The following XPR1 variants were observed in gnomAD, a reference collection of about 807,000 sequenced individuals.
XPR1 encodes solute carrier family 53 member 1.
A neutral mutation model predicts 87.5 loss-of-function variants in XPR1; 28 were observed. The observed-to-expected ratio is 0.32, with a 90% CI of 0.24 to 0.44. XPR1 has a LOEUF of 0.44. Among genes scored for constraint, XPR1 ranks in the 20% least tolerant of loss-of-function variants. The pLI, the probability that XPR1 is intolerant of heterozygous loss-of-function variation, is 1.00. For synonymous variants in XPR1, 300 were observed against 306.1 expected, an observed-to-expected ratio of 0.98 and a Z score of 0.21; for missense variants, 559 against 862.3, an observed-to-expected ratio of 0.65 and a Z score of 4.41.
intron 1 of XPR1, among the ~76,000 whole-genome samples, chr1:180,654,345 A>G (rs73049479): frequency 0.017 from 2,558 of 152,228 alleles, 80 homozygotes; most frequent in African/African-American, 0.056. Context: ...GCAACTTTTA[A>G]TAGTTTTTAA....
intron 11 of XPR1, among the ~76,000 whole-genome samples, chr1:180,859,914 A>G (rs958259114): frequency 2.0e-5 from 3 of 152,182 alleles, no homozygotes; most frequent in Non-Finnish European, 4.4e-5. Flanking sequence ...GAAAATGAAA[A>G]GACAAGCCAC....
intron 7 of XPR1, among the ~76,000 whole-genome samples, chr1:180,814,437 G>A (rs567134004): frequency 6.6e-6 from 1 of 152,296 alleles, no homozygotes; most frequent in South Asian, 2.1e-4. Context: ...GTAGTGGAGA[G>A]AACAAAAGGC....
chr1:180,744,743 C>T lies in XPR1; in HGVS notation c.122-43010C>T, dbSNP rs1006767617. ...TCGGCTCACTGCAGCCTCCGCCTCC[C>T]GGGTTCAAGTGTTTCTCCAGCCTTA... On this transcript the variant is annotated intron_variant, in intron 2 of 14. Coordinates refer to ENST00000367590, the MANE Select transcript of XPR1 (RefSeq NM_004736.4). Among the ~76,000 whole-genome samples the T allele has an allele frequency of 1.1e-4, 17 of 150,300 alleles. 1 individual carries two copies. The highest frequency in any genetic ancestry group is 9.9e-4 in the East Asian group (5 of 5,068).
At chr1:180,751,957 G>T (rs185225672) in intron 2 of XPR1, among the ~76,000 whole-genome samples, 27 of 152,202 alleles carry the variant, frequency 1.8e-4, no homozygotes, top group Middle Eastern at 6.8e-3. Context: ...GGGAATAAAC[G>T]TGTCGCCCAT....
intron 13 of XPR1, among the ~76,000 whole-genome samples, chr1:180,877,486 A>G (rs894968655): frequency 2.0e-5 from 3 of 152,196 alleles, no homozygotes; most frequent in Non-Finnish European, 2.9e-5. Context: ...ATGGAAAAAA[A>G]TGGTTCCCAG....
chr1:180,770,355 T>G (rs1557999787), intron 2 of XPR1, among the ~76,000 whole-genome samples: 1 of 152,144 alleles, frequency 6.6e-6, no homozygotes, highest in Non-Finnish European at 1.5e-5. Context: ...TCCTTCCTGA[T>G]TATGTCCTCA....
At chr1:180,738,324 G>C (rs1363095339) in intron 2 of XPR1, among the ~76,000 whole-genome samples, 1 of 152,110 alleles carries the variant, frequency 6.6e-6, no homozygotes, top group African/African-American at 2.4e-5. Context: ...AACTTTACAA[G>C]AAACTGCCAA....
chr1:180,750,669 T>C (rs912205334), intron 2 of XPR1, among the ~76,000 whole-genome samples: 4 of 152,078 alleles, frequency 2.6e-5, no homozygotes, highest in African/African-American at 9.6e-5. Flanking sequence ...AGTCTTGAAA[T>C]CAAACAATAT....
intron 1 of XPR1, among the ~76,000 whole-genome samples, chr1:180,670,653 A>G (rs1422707998): frequency 6.6e-6 from 1 of 152,232 alleles, no homozygotes; most frequent in Non-Finnish European, 1.5e-5. Flanking sequence ...TGTTGTTACA[A>G]TAATACCAGC....
rs777214370 is a variant in XPR1, at chr1:180,888,761, T to A, written c.*4695T>A. 3 of 152,212 alleles carry A rather than the reference T, an allele frequency of 2.0e-5. No individual in the cohort carries two copies. The highest frequency in any genetic ancestry group is 6.5e-5 in the Admixed American group (1 of 15,284). The allele number at this position is 152,212 out of a possible 1,614,324, so 9.4% of individuals were successfully genotyped here. ...AGTCTTGATAGTAAATCCTACAAAC[T>A]CTCAACTTTCTGCATTGTATTTTAA... On this transcript the variant is annotated 3_prime_UTR_variant, in exon 15 of 15. Transcript: ENST00000367590.
intron 1 of XPR1, among the ~76,000 whole-genome samples, chr1:180,639,726 C>T (rs1654906656): frequency 6.6e-6 from 1 of 151,954 alleles, no homozygotes; most frequent in South Asian, 2.1e-4. Flanking sequence ...GGTTTCAGGA[C>T]CACTTGAAAC....
chr1:180,723,509 C>G (rs571726604), intron 2 of XPR1, among the ~76,000 whole-genome samples: 9 of 152,270 alleles, frequency 5.9e-5, no homozygotes, highest in African/African-American at 2.2e-4. Flanking sequence ...TGCTTTCTTC[C>G]TTATAGCAGG....
At chr1:180,751,371 CAG>C (rs1647529502) in intron 2 of XPR1, among the ~76,000 whole-genome samples, 1 of 151,934 alleles carries the variant, frequency 6.6e-6, no homozygotes, top group Non-Finnish European at 1.5e-5. Context: ...TTCTTTGTTA[CAG>C]TTTTTCTAAT....
At chr1:180,642,469 A>G (rs1024795612) in intron 1 of XPR1, among the ~76,000 whole-genome samples, 1 of 152,032 alleles carries the variant, frequency 6.6e-6, no homozygotes, top group Non-Finnish European at 1.5e-5. Flanking sequence ...ACAACAGCTC[A>G]TGTTTGTTGA....
chr1:180,742,588 G>A (rs1658956795), intron 2 of XPR1, among the ~76,000 whole-genome samples: 2 of 152,054 alleles, frequency 1.3e-5, no homozygotes, highest in Non-Finnish European at 2.9e-5. Flanking sequence ...TTTTGAAAAG[G>A]ATAAGTATGT....
intron 3 of XPR1, among the ~76,000 whole-genome samples, chr1:180,798,228 A>G (rs995767033): frequency 1.3e-5 from 2 of 152,200 alleles, no homozygotes; most frequent in African/African-American, 2.4e-5. Context: ...AGAAGAAATC[A>G]TTAAAATTGA....
chr1:180,687,657 T>C (rs939668698), intron 2 of XPR1, among the ~76,000 whole-genome samples: 1 of 151,968 alleles, frequency 6.6e-6, no homozygotes, highest in African/African-American at 2.4e-5. Context: ...CTCAAACAAA[T>C]AAACACATTC....
Position 180,885,700 on chromosome 1 carries a change from G to A in XPR1, c.*1634G>A, listed in dbSNP as rs570439230. The A allele has an allele frequency of 1.1e-3, 166 of 152,216 alleles. 1 individual carries two copies. Among genetic ancestry groups the A allele is most frequent in the African/African-American group, 3.8e-3 (159 of 41,538 alleles). The allele number at this position is 152,216 out of a possible 1,614,324, so 9.4% of individuals were successfully genotyped here. On this transcript the variant is annotated 3_prime_UTR_variant, in exon 15 of 15. Transcript: ENST00000367590. ...AGTAAATTTAGTCCTATAATTTTCA[G>A]CTTAATTATAAACAAAGGAACAAAT...
intron 14 of XPR1, among the ~76,000 whole-genome samples, chr1:180,880,685 C>T (rs1652825366): frequency 6.6e-6 from 1 of 152,170 alleles, no homozygotes; most frequent in African/African-American, 2.4e-5. Flanking sequence ...TTTCTGCCCC[C>T]ATCTGTAAAT....
Sources: allele counts gnomAD v4.1 joint callset (sites outside exome capture counted in the v4.1 genomes callset), GRCh38; gene constraint gnomAD v4.1.1; transcripts MANE v1.5; gene names NCBI Gene and HGNC (gene_info 2026-07-23, HGNC 2026-07-21).